FOXP4: variants seen among roughly 807,000 people sequenced by gnomAD.
FOXP4 encodes the protein forkhead box P4.
Under a neutral mutation model 82.6 loss-of-function variants are expected in FOXP4, and 25 were observed. The ratio of observed to expected loss-of-function variants is 0.30; its 90% CI spans 0.22 to 0.42. The LOEUF (loss-of-function observed/expected upper bound fraction) is 0.42, where lower values mean the gene tolerates loss of function less well. Among genes scored for constraint, FOXP4 ranks in the 10% least tolerant of loss-of-function variants. The probability of loss-of-function intolerance (pLI) is 1.00; values close to 1 mark genes in which losing one functional copy is unlikely to be tolerated. For missense variants in FOXP4, 785 were observed against 900.9 expected, an observed-to-expected ratio of 0.87 and a Z score of 1.65; for synonymous variants, 415 against 388.2, an observed-to-expected ratio of 1.07 and a Z score of -0.81.
At position 41,600,679 on chromosome 6, in the gene FOXP4, T is replaced by TC. The variant is rs1382289450; in HGVS notation, c.*1744dup. ...GGGGAGGAGCATTAAAGCTGAAAGA[T>TC]CGCTCTGCTCGGGGAGCCTGGGCAG... On this transcript the variant is annotated 3_prime_UTR_variant, in exon 17 of 17. Transcript: ENST00000307972. 6.6e-6 allele frequency: 1 copy of TC among 152,332 alleles called. No homozygotes were observed. Among genetic ancestry groups the TC allele is most frequent in the East Asian group, 1.9e-4 (1 of 5,194 alleles). The allele number at this position is 152,332 out of a possible 1,614,324, so 9.4% of individuals were successfully genotyped here.
chr6:41,585,176 T>C (rs1766034529), intron 4 of FOXP4, among the ~76,000 whole-genome samples: 1 of 152,160 alleles, frequency 6.6e-6, no homozygotes, highest in South Asian at 2.1e-4. Context: ...TCTGGCACGT[T>C]GTCCCCTGTG....
intron 2 of FOXP4, among the ~76,000 whole-genome samples, chr6:41,575,396 T>C (rs1765424117): frequency 6.6e-6 from 1 of 152,060 alleles, no homozygotes; most frequent in Non-Finnish European, 1.5e-5. Flanking sequence ...AGGTACTTCA[T>C]AGATGTGAGA....
chr6:41,565,063 C>G (rs1764795732), intron 1 of FOXP4, among the ~76,000 whole-genome samples: 1 of 152,140 alleles, frequency 6.6e-6, no homozygotes, highest in Non-Finnish European at 1.5e-5. Flanking sequence ...GTTTAAGACC[C>G]AGACGGGGGC....
intron 1 of FOXP4, among the ~76,000 whole-genome samples, chr6:41,551,663 A>G (rs1764005812): frequency 6.6e-6 from 1 of 152,226 alleles, no homozygotes; most frequent in Non-Finnish European, 1.5e-5. Flanking sequence ...TTTTCCTCAG[A>G]CTAACAGTAT....
At chr6:41,579,884 T>A (rs1408214373) in intron 3 of FOXP4, among the ~76,000 whole-genome samples, 1 of 152,188 alleles carries the variant, frequency 6.6e-6, no homozygotes, top group African/African-American at 2.4e-5. Flanking sequence ...GCTTTACAGC[T>A]ATCTCATTTA....
intron 8 of FOXP4, 91 bp downstream of exon 8, chr6:41,587,988 C>T (rs1766259232): frequency 1.4e-6 from 1 of 703,424 alleles, no homozygotes; most frequent in Non-Finnish European, 2.5e-6. Flanking sequence ...TTCTGGGAGC[C>T]CTCCTCACTA....
intron 3 of FOXP4, among the ~76,000 whole-genome samples, chr6:41,581,145 CT>C (rs1765777883): frequency 6.6e-6 from 1 of 152,212 alleles, no homozygotes; most frequent in African/African-American, 2.4e-5. Flanking sequence ...CTTGCTGCAG[CT>C]GCAGCCCAGG....
intron 10 of FOXP4, 40 bp from the exon 11 acceptor site, chr6:41,589,923 C>A (rs1466617853): frequency 6.2e-7 from 1 of 1,611,144 alleles, no homozygotes; most frequent in Non-Finnish European, 8.5e-7. Flanking sequence ...GGACCCCCAC[C>A]CTCGGGCACT....
At chr6:41,592,977 C>CT (rs1270939540) in intron 13 of FOXP4, among the ~76,000 whole-genome samples, 2 of 152,186 alleles carry the variant, frequency 1.3e-5, no homozygotes, top group Non-Finnish European at 2.9e-5. Flanking sequence ...AAGTGAACGA[C>CT]TAAGTGGGTG....
chr6:41,596,440 GCACC>G, intron 14 of FOXP4, among the ~76,000 whole-genome samples: 1 of 152,204 alleles, frequency 6.6e-6, no homozygotes, highest in South Asian at 2.1e-4. Context: ...AGGAGCCTTT[GCACC>G]CCAGGCAGTG....
At chr6:41,570,652 A>G (rs1422988118) in intron 2 of FOXP4, among the ~76,000 whole-genome samples, 2 of 152,124 alleles carry the variant, frequency 1.3e-5, no homozygotes, top group Non-Finnish European at 2.9e-5. Flanking sequence ...CTTCCCTCCT[A>G]ATATGGAATT....
chr6:41,576,063 C>A (rs1000396411), intron 2 of FOXP4, among the ~76,000 whole-genome samples: 1 of 151,796 alleles, frequency 6.6e-6, no homozygotes, highest in Non-Finnish European at 1.5e-5. Context: ...CCCCCCCCAC[C>A]CTTCCTCCTC....
chr6:41,587,709 G>GCAGGGGAGCTGGTGCTCAGCTGACTA (rs1766234573), intron 7 of FOXP4, 84 bp from the exon 8 acceptor site: 6 of 1,000,852 alleles, frequency 6.0e-6, no homozygotes, highest in Non-Finnish European at 9.0e-6. Flanking sequence ...AATGTCACCA[G>GCAGGGGAGCTGGTGCTCAGCTGACTA]CAGGGGAGCT....
At position 41,560,515 on chromosome 6, in the gene FOXP4, C is replaced by G. The variant is rs555041131; in HGVS notation, c.-16-5230C>G. Among the ~76,000 whole-genome samples, 191 of 152,370 alleles carry G rather than the reference C, an allele frequency of 1.3e-3. 2 individuals are homozygous for G. Among genetic ancestry groups the G allele is most frequent in the African/African-American group, 4.5e-3 (187 of 41,596 alleles). On this transcript the variant is annotated intron_variant, in intron 1 of 16. Transcript: ENST00000307972. The stretch of plus-strand genomic sequence containing the variant: ...TCTCCCTTAAGAACTGGGGCCTCAT[C>G]TCCACTCCAGCTGCGCGTGCACGTG...
At chr6:41,557,789 TC>T (rs374678374) in intron 1 of FOXP4, among the ~76,000 whole-genome samples, 208 of 152,326 alleles carry the variant, frequency 1.4e-3, no homozygotes, top group African/African-American at 4.7e-3. Flanking sequence ...TATTTTTTTT[TC>T]TTTTTTTCAA....
At chr6:41,588,792 C>T (rs1766321001) in intron 9 of FOXP4, 61 bp downstream of exon 9, 3 of 1,576,208 alleles carry the variant, frequency 1.9e-6, no homozygotes, top group African/African-American at 2.7e-5. Context: ...CCACCCACAG[C>T]ACTGACTTGC....
rs759989662 is a variant in FOXP4, at chr6:41,585,540, A to G, written c.510+23A>G. ...GAGGTAAGGGGCTGTACCAGGGCCC[A>G]CCACCGCCCTCACCCCCTGCCCAGA... is the stretch of plus-strand genomic sequence containing the variant. On this transcript the variant is annotated intron_variant, in intron 5 of 16. Coordinates refer to ENST00000307972, the MANE Select transcript of FOXP4 (RefSeq NM_001012426.2). The G allele has an allele frequency of 9.1e-5, 146 of 1,606,854 alleles. 1 individual carries two copies. The South Asian group carries it at 1.5e-3, about 17-fold the overall frequency.
At chr6:41,585,324 T>G in intron 4 of FOXP4, 107 bp from the exon 5 acceptor site, 1 of 1,159,184 alleles carries the variant, frequency 8.6e-7, no homozygotes, top group Non-Finnish European at 1.2e-6. Context: ...CCAGACCATG[T>G]TTTAGGGAAA....
intron 1 of FOXP4, among the ~76,000 whole-genome samples, chr6:41,552,709 C>G (rs111355090): frequency 2.0e-5 from 3 of 152,108 alleles, no homozygotes; most frequent in Non-Finnish European, 4.4e-5. Context: ...TGGGCTAGCT[C>G]GGGCCGGCAG....
Sources: allele counts gnomAD v4.1 joint callset (sites outside exome capture counted in the v4.1 genomes callset), GRCh38; gene constraint gnomAD v4.1.1; transcripts MANE v1.5; gene names NCBI Gene and HGNC (gene_info 2026-07-23, HGNC 2026-07-21).